SH2B1: variants seen among roughly 807,000 people sequenced by gnomAD.
The protein encoded by SH2B1 is SH2B adaptor protein 1, also known as SH2B adapter protein 1.
In SH2B1, 15 loss-of-function variants were observed where a neutral mutation model predicts 62.6. The ratio of observed to expected loss-of-function variants is 0.24; its 90% CI spans 0.16 to 0.37. The LOEUF is 0.37. Among genes scored for constraint, SH2B1 ranks in the 10% least tolerant of loss-of-function variants. SH2B1 has a pLI of 1.00. For missense variants in SH2B1, 925 were observed against 1,015.6 expected (o/e 0.91, Z 1.21); for synonymous variants, 443 against 438.0 (o/e 1.01, Z -0.14).
chr16:28,873,104 C>A lies in SH2B1; in HGVS notation c.1898-343C>A. 1 of 1,038,666 alleles carries A rather than the reference C, an allele frequency of 9.6e-7. No homozygotes were observed. Among genetic ancestry groups the A allele is most frequent in the Non-Finnish European group, 1.4e-6 (1 of 721,358 alleles). The allele number at this position is 1,038,666 out of a possible 1,614,324, so 64.3% of individuals were successfully genotyped here. ...CCTCCTCCCTCAATGTCTCATGTCCCTGTCTGATCTCTCCCTTTCCCCTGC... is the reference window on the plus strand; with the variant it reads ...CCTCCTCCCTCAATGTCTCATGTCCATGTCTGATCTCTCCCTTTCCCCTGC... On this transcript the variant is annotated intron_variant, in intron 7 of 7. Transcript: ENST00000684370. This position sits in a 1 kb window ranked among gnomAD's most constrained non-coding sequence, Gnocchi z 4.2.
At position 28,873,939 on chromosome 16, in the gene SH2B1, G is replaced by C. The variant is rs1201892279; in HGVS notation, c.*119G>C. 9.5e-7 allele frequency: 1 copy of C among 1,052,942 alleles called. No individual in the cohort carries two copies. The allele number at this position is 1,052,942 out of a possible 1,614,324, so 65.2% of individuals were successfully genotyped here. A position where few individuals can be genotyped will look rare whatever the true frequency, so the allele number is the denominator to read the frequency against. On this transcript the variant is annotated 3_prime_UTR_variant, in exon 8 of 8. Coordinates refer to ENST00000684370, the MANE Select transcript of SH2B1 (RefSeq NM_001387430.1). This position sits in a 1 kb window ranked among gnomAD's most constrained non-coding sequence, Gnocchi z 4.2. ...ATGCTTCCTGACCCTTGTTGGCCAA[G>C]GGCATCTTTGATGGTACAAGCAGAG...
chr16:28,853,583 TG>T (rs1406641236), intron 1 of SH2B1, among the ~76,000 whole-genome samples: 2 of 149,276 alleles, frequency 1.3e-5, no homozygotes, highest in African/African-American at 4.9e-5. Flanking sequence ...CTCAAATTTC[TG>T]GCTCAAGCAA....
chr16:28,855,476 C>T (rs1485569007), intron 1 of SH2B1, among the ~76,000 whole-genome samples: 1 of 152,190 alleles, frequency 6.6e-6, no homozygotes, highest in African/African-American at 2.4e-5. Context: ...CCGTCTCTGC[C>T]TCCCAAATTG....
chr16:28,873,884 A>T lies in SH2B1; in HGVS notation c.*64A>T. On this transcript the variant is annotated 3_prime_UTR_variant, in exon 8 of 8. Transcript: ENST00000684370. This position sits in a 1 kb window ranked among gnomAD's most constrained non-coding sequence, Gnocchi z 4.2. ...CCCTGCTCGTGAGATTGGGCTGGGT[A>T]GGGACAGAGGAGGCCGAAATCCCTC... The T allele has an allele frequency of 1.5e-6, 2 of 1,349,056 alleles. No homozygotes were observed. Among genetic ancestry groups the T allele is most frequent in the East Asian group, 2.9e-5 (1 of 34,030 alleles). 83.6% of individuals were successfully genotyped at this position (1,349,056 alleles called of 1,614,324 possible).
Position 28,863,965 on chromosome 16 carries a change from C to A in SH2B1, c.-2130C>A. On this transcript the variant is annotated 5_prime_UTR_variant, in exon 1 of 8. Transcript: ENST00000684370. ...ATGCAGGTGGGACCGGAACCGGAAC[C>A]CCCCTCTTCAAGTACCTTTTCCCTC... The A allele has an allele frequency of 3.5e-6, 5 of 1,444,222 alleles. No homozygotes were observed. The highest frequency in any genetic ancestry group is 4.5e-6 in the Non-Finnish European group (5 of 1,105,210). The allele number at this position is 1,444,222 out of a possible 1,614,324, so 89.5% of individuals were successfully genotyped here. A position where few individuals can be genotyped will look rare whatever the true frequency, so the allele number is the denominator to read the frequency against.
At chr16:28,847,840 T>TC (rs1430997564) in intron 1 of SH2B1, among the ~76,000 whole-genome samples, 113 of 142,626 alleles carry the variant, frequency 7.9e-4, no homozygotes, top group African/African-American at 2.7e-3. Flanking sequence ...TTTTTTTTTT[T>TC]TTGGAGACAG....
In SH2B1 at chr16:28,873,553, A is replaced by G. The variant is rs1320808905; in HGVS notation, c.2004A>G (p.Ala668=). 5.2e-5 allele frequency: 83 copies of G among 1,600,950 alleles called. No homozygotes were observed. Among genetic ancestry groups the G allele is most frequent in the Non-Finnish European group, 6.7e-5 (79 of 1,174,610 alleles). The part of the protein sequence containing the change: ...EEASRAPEVA[A]AAAAAAKERQ... The stretch of plus-strand genomic sequence containing the variant: ...CGTCGAGGGCGCCAGAAGTGGCGGC[A>G]GCAGCAGCCGCAGCAGCCAAAGAGA... Residue 668 remains alanine, a synonymous_variant, in exon 8 of 8, where the codon GCA becomes GCG. Transcript: ENST00000684370. The surrounding 1 kb of genome is among the most constrained non-coding windows in gnomAD (Gnocchi z 4.2).
chr16:28,873,392 G>T lies in SH2B1; in HGVS notation c.1898-55G>T. 3 of 1,581,174 alleles carry T rather than the reference G, an allele frequency of 1.9e-6. No homozygotes were observed. The highest frequency in any genetic ancestry group is 1.7e-4 in the Middle Eastern group (1 of 5,934). ...GGGGGCTGAGTGAAGGGGAGGCCAC[G>T]GCAGGAGCTCACCTGCCTCCACAAT... On this transcript the variant is annotated intron_variant, in intron 7 of 7. Coordinates refer to ENST00000684370, the MANE Select transcript of SH2B1 (RefSeq NM_001387430.1). The surrounding 1 kb of genome is among the most constrained non-coding windows in gnomAD (Gnocchi z 4.2).
At position 28,865,208 on chromosome 16, in the gene SH2B1, G is replaced by C; in HGVS notation, c.-887G>C. Reference sequence around the variant, plus strand: ...CAAAGACTTGACCTGAGCCAACCCAGTTTCTCCTCTGGGGCCCCTGCGGCC... The same window carrying C: ...CAAAGACTTGACCTGAGCCAACCCACTTTCTCCTCTGGGGCCCCTGCGGCC... On this transcript the variant is annotated 5_prime_UTR_variant, in exon 1 of 8. Coordinates refer to ENST00000684370, the MANE Select transcript of SH2B1 (RefSeq NM_001387430.1). 1 of 985,626 alleles carries C rather than the reference G, an allele frequency of 1.0e-6. No homozygotes were observed. Among genetic ancestry groups the C allele is most frequent in the South Asian group, 4.7e-5 (1 of 21,288 alleles). 61.1% of individuals were successfully genotyped at this position (985,626 alleles called of 1,614,324 possible).
chr16:28,852,891 CATATATTTTTATATATACATGTACATAT>C lies in SH2B1; in HGVS notation c.-301+6082_-301+6109del, dbSNP rs1567459366. Among the ~76,000 whole-genome samples the C allele has an allele frequency of 4.9e-5, 3 of 61,480 alleles. 1 individual carries two copies. The highest frequency in any genetic ancestry group is 6.3e-5 in the African/African-American group (1 of 15,960). The allele number at this position is 61,480 out of a possible 152,430, so 40.3% of individuals were successfully genotyped here. A position where few individuals can be genotyped will look rare whatever the true frequency, so the allele number is the denominator to read the frequency against. On this transcript the variant is annotated intron_variant, in intron 1 of 10. Transcript: ENST00000322610. ...ACATATATATTTTTATATATATTTACATATATTTTTATATATACATGTACATATATATATTTTTATATATATGTACATA... is the reference window on the plus strand; with the variant it reads ...ACATATATATTTTTATATATATTTACATATATTTTTATATATATGTACATA...
Position 28,873,420 on chromosome 16 carries a change from G to A in SH2B1, c.1898-27G>A. On this transcript the variant is annotated intron_variant, in intron 7 of 7. Coordinates refer to ENST00000684370, the MANE Select transcript of SH2B1 (RefSeq NM_001387430.1). The surrounding 1 kb of genome is among the most constrained non-coding windows in gnomAD (Gnocchi z 4.2). ...AGGAGCTCACCTGCCTCCACAATCA[G>A]TCTGTTTTCTTACCATTCCTATCCA... 6.3e-7 allele frequency: 1 copy of A among 1,577,566 alleles called. No homozygotes were observed. The highest frequency in any genetic ancestry group is 2.3e-5 in the East Asian group (1 of 44,364).
rs1184059546 is a variant in SH2B1, at chr16:28,871,763, G to A, written c.1310-17G>A. 1 of 1,606,228 alleles carries A rather than the reference G, an allele frequency of 6.2e-7. No homozygotes were observed. The highest frequency in any genetic ancestry group is 8.5e-7 in the Non-Finnish European group (1 of 1,172,802). On this transcript the variant is annotated splice_polypyrimidine_tract_variant and intron_variant, in intron 4 of 7. Transcript: ENST00000684370. ...AGGAATTTCTTGGGTTCTCAGCTTT[G>A]CCCTTTTTTTTTCCAGGGGCATATG...
rs1427356472 is a variant in SH2B1 at position 28,866,572 on chromosome 16, C to T, written c.478C>T (p.Arg160Cys). 3.7e-6 allele frequency: 6 copies of T among 1,613,930 alleles called. No homozygotes were observed. The highest frequency in any genetic ancestry group is 2.7e-5 in the African/African-American group (2 of 74,902). ...KKRFSLRSVGRSVRGSVRGIL... is the reference protein window; with the variant it reads ...KKRFSLRSVGCSVRGSVRGIL... The stretch of plus-strand genomic sequence containing the variant: ...GCGCTTTTCCCTGCGTTCAGTGGGT[C>T]GCTCTGTCCGAGGCTCAGTCCGTGG... Residue 160 changes from arginine (R) to cysteine (C), a missense_variant, in exon 1 of 8, where the codon CGC becomes TGC. Coordinates refer to ENST00000684370, the MANE Select transcript of SH2B1 (RefSeq NM_001387430.1). The surrounding 1 kb of genome is among the most constrained non-coding windows in gnomAD (Gnocchi z 6.3).
rs1335870751 is a variant in SH2B1 at position 28,864,022 on chromosome 16, T to C, written c.-2073T>C. On this transcript the variant is annotated 5_prime_UTR_variant, in exon 1 of 8. Transcript: ENST00000684370. ...ACCCGGCCCTGGCGCCCGAGAGGAT[T>C]CCTGGGTGGGGGTGGGCGTGGAGGG... The C allele has an allele frequency of 7.4e-7, 1 of 1,358,020 alleles. No homozygotes were observed. 84.1% of individuals were successfully genotyped at this position (1,358,020 alleles called of 1,614,324 possible). A position where few individuals can be genotyped will look rare whatever the true frequency, so the allele number is the denominator to read the frequency against.
chr16:28,865,429 T>A lies in SH2B1; in HGVS notation c.-666T>A. The A allele has an allele frequency of 1.0e-6, 1 of 985,572 alleles. No individual in the cohort carries two copies. The highest frequency in any genetic ancestry group is 1.2e-6 in the Non-Finnish European group (1 of 829,960). 61.1% of individuals were successfully genotyped at this position (985,572 alleles called of 1,614,324 possible). A position where few individuals can be genotyped will look rare whatever the true frequency, so the allele number is the denominator to read the frequency against. Reference sequence around the variant, plus strand: ...CCTAAGATGCGTGAGGCAGGCTCTCTAAGGTCTAGAATCCCAGCTCCTCTC... The same window carrying A: ...CCTAAGATGCGTGAGGCAGGCTCTCAAAGGTCTAGAATCCCAGCTCCTCTC... On this transcript the variant is annotated 5_prime_UTR_variant, in exon 1 of 8. It removes the in-frame stop codon of an upstream open reading frame in the 5' UTR. Coordinates refer to ENST00000684370, the MANE Select transcript of SH2B1 (RefSeq NM_001387430.1).
In SH2B1 at chr16:28,873,225, C is replaced by G; in HGVS notation, c.1898-222C>G. On this transcript the variant is annotated intron_variant, in intron 7 of 7. Coordinates refer to ENST00000684370, the MANE Select transcript of SH2B1 (RefSeq NM_001387430.1). This position sits in a 1 kb window ranked among gnomAD's most constrained non-coding sequence, Gnocchi z 4.2. ...TGTGCGAGGGAGATGGATGCCACCCCGATGCCTCCTGCACCCTCATGCCCT... is the reference window on the plus strand; with the variant it reads ...TGTGCGAGGGAGATGGATGCCACCCGGATGCCTCCTGCACCCTCATGCCCT... 1 of 1,605,216 alleles carries G rather than the reference C, an allele frequency of 6.2e-7. No individual in the cohort carries two copies. Among genetic ancestry groups the G allele is most frequent in the Non-Finnish European group, 8.5e-7 (1 of 1,178,078 alleles).
upstream of SH2B1, among the ~76,000 whole-genome samples, chr16:28,861,260 G>A (rs950157766): frequency 2.6e-5 from 4 of 152,134 alleles, no homozygotes; most frequent in African/African-American, 9.7e-5. Flanking sequence ...AGCCTCCTGA[G>A]TAGCTGAGAT....
At chr16:28,867,574 T>C (rs1962787626) in intron 2 of SH2B1, 142 bp downstream of exon 2, 2 of 664,184 alleles carry the variant, frequency 3.0e-6, no homozygotes, top group Non-Finnish European at 5.4e-6. Context: ...CTGCAGCTTT[T>C]CTGGGATAGC....
chr16:28,857,769 T>C (rs1027184612), intron 1 of SH2B1, among the ~76,000 whole-genome samples: 1 of 149,552 alleles, frequency 6.7e-6, no homozygotes, highest in African/African-American at 2.5e-5. Flanking sequence ...AGACGGAGTC[T>C]CGCTCTGTTG....
Sources: allele counts gnomAD v4.1 joint callset (sites outside exome capture counted in the v4.1 genomes callset), GRCh38; gene constraint gnomAD v4.1.1; non-coding constraint Gnocchi (gnomAD v3.1); transcripts MANE v1.5; gene names NCBI Gene and HGNC (gene_info 2026-07-23, HGNC 2026-07-21).